CACNA1D: variants seen among roughly 807,000 people sequenced by gnomAD.
CACNA1D encodes voltage-dependent L-type calcium channel subunit alpha-1D.
CACNA1D carries 55 observed loss-of-function variants against 257.1 expected under a neutral mutation model. The observed-to-expected ratio is 0.21, with a 90% CI of 0.17 to 0.27. The LOEUF (loss-of-function observed/expected upper bound fraction) is 0.27, where lower values mean the gene tolerates loss of function less well. Ranked by LOEUF, CACNA1D falls within the 10% of genes least tolerant of loss-of-function variation. The pLI, the probability that CACNA1D is intolerant of heterozygous loss-of-function variation, is 1.00. For synonymous variants in CACNA1D, 980 were observed against 1,014.9 expected, an observed-to-expected ratio of 0.97 and a Z score of 0.65; for missense variants, 1,876 against 2,784.0, an observed-to-expected ratio of 0.67 and a Z score of 7.34.
At chr3:53,701,079 C>G (rs1486631995) in intron 8 of CACNA1D, among the ~76,000 whole-genome samples, 1 of 151,710 alleles carries the variant, frequency 6.6e-6, no homozygotes, top group Non-Finnish European at 1.5e-5. Flanking sequence ...TGTTCAGCCC[C>G]TCGACAGCCT....
At chr3:53,555,460 G>GTTTTTTT (rs372133749) in intron 3 of CACNA1D, among the ~76,000 whole-genome samples, 2 of 78,366 alleles carry the variant, frequency 2.6e-5, no homozygotes, top group Admixed American at 1.5e-4. Flanking sequence ...GTGTGTGTGT[G>GTTTTTTT]TTTTTTTTTT....
At chr3:53,664,100 G>T (rs545301441) in intron 5 of CACNA1D, among the ~76,000 whole-genome samples, 1 of 152,222 alleles carries the variant, frequency 6.6e-6, no homozygotes, top group South Asian at 2.1e-4. Context: ...TGTCTCTCAA[G>T]ACCACATTTC....
intron 21 of CACNA1D, among the ~76,000 whole-genome samples, chr3:53,742,688 CT>C (rs2095129695): frequency 1.3e-5 from 2 of 152,336 alleles, no homozygotes; most frequent in South Asian, 4.1e-4. Context: ...CAGCACTTAC[CT>C]TTTGACGAAT....
At chr3:53,732,710 A>T in intron 18 of CACNA1D, 105 bp from the exon 19 acceptor site, 1 of 983,606 alleles carries the variant, frequency 1.0e-6, no homozygotes, top group Non-Finnish European at 1.6e-6. Context: ...GTAAGCAGGT[A>T]GATGTTGTTA....
At chr3:53,651,366 C>CCTT (rs1553623470) in intron 4 of CACNA1D, among the ~76,000 whole-genome samples, 9 of 81,846 alleles carry the variant, frequency 1.1e-4, no homozygotes, top group African/African-American at 3.1e-4. Flanking sequence ...TATTAATTTT[C>CCTT]TTTTTTTTTT....
intron 8 of CACNA1D, among the ~76,000 whole-genome samples, chr3:53,700,463 G>A (rs1008201278): frequency 4.6e-5 from 7 of 152,154 alleles, no homozygotes; most frequent in African/African-American, 1.7e-4. Context: ...ATGTGATTCT[G>A]GATTGAGTTG....
chr3:53,724,049 A>G (rs763664193), intron 14 of CACNA1D, 50 bp downstream of exon 14: 2 of 1,409,324 alleles, frequency 1.4e-6, no homozygotes, highest in Non-Finnish European at 2.0e-6. Context: ...CAGCAGCTAA[A>G]ACTCCTCTGC....
chr3:53,781,357 G>A (rs1283442563), intron 38 of CACNA1D, among the ~76,000 whole-genome samples: 1 of 152,168 alleles, frequency 6.6e-6, no homozygotes, highest in Non-Finnish European at 1.5e-5. Flanking sequence ...TTCCCATGGT[G>A]GAGGGACTTC....
chr3:53,808,950 C>T (rs1425078139), intron 46 of CACNA1D, 180 bp downstream of exon 46: 2 of 665,846 alleles, frequency 3.0e-6, no homozygotes, highest in African/African-American at 1.8e-5. Flanking sequence ...TCCCATGCTG[C>T]CCAAGCTCAC....
intron 3 of CACNA1D, among the ~76,000 whole-genome samples, chr3:53,610,817 GTATTTACCA>G (rs1397578830): frequency 2.6e-5 from 4 of 151,954 alleles, no homozygotes; most frequent in African/African-American, 9.7e-5. Flanking sequence ...CTGTATACGT[GTATTTACCA>G]TTTATAGGGC....
chr3:53,622,990 C>A (rs2108051931), intron 3 of CACNA1D, among the ~76,000 whole-genome samples: 1 of 152,072 alleles, frequency 6.6e-6, no homozygotes, highest in South Asian at 2.1e-4. Context: ...CTCCCGGGTT[C>A]AAGCCATTCT....
intron 4 of CACNA1D, among the ~76,000 whole-genome samples, chr3:53,655,646 T>C (rs990236737): frequency 1.3e-5 from 2 of 152,250 alleles, no homozygotes; most frequent in Non-Finnish European, 2.9e-5. Flanking sequence ...TTGCTGACTT[T>C]TTAATGGGAT....
intron 8 of CACNA1D, among the ~76,000 whole-genome samples, chr3:53,691,996 G>C (rs191508571): frequency 3.2e-4 from 44 of 138,412 alleles, no homozygotes; most frequent in Non-Finnish European, 6.1e-4. Flanking sequence ...GGCACGATGG[G>C]TGTAGTTTTA....
intron 20 of CACNA1D, among the ~76,000 whole-genome samples, chr3:53,737,495 A>G (rs1041051377): frequency 2.6e-5 from 4 of 152,196 alleles, no homozygotes; most frequent in Admixed American, 6.5e-5. Flanking sequence ...GAGTCCTGCA[A>G]CCAATCCCTT....
At chr3:53,516,503 C>T (rs955615178) in intron 3 of CACNA1D, among the ~76,000 whole-genome samples, 1 of 152,194 alleles carries the variant, frequency 6.6e-6, no homozygotes, top group African/African-American at 2.4e-5. Context: ...TGTGTGGAAG[C>T]CTGGTGGGGG....
chr3:53,497,121 A>G lies in CACNA1D; in HGVS notation c.68-31A>G, dbSNP rs541931890. The G allele has an allele frequency of 3.4e-4, 549 of 1,601,468 alleles. 7 individuals carry two copies. The South Asian group carries it at 5.2e-3, about 15-fold the overall frequency. On this transcript the variant is annotated intron_variant, in intron 1 of 47. Transcript: ENST00000350061. ...TACCCACTGGATCCTCATTTAAAAA[A>G]AAAAATCTTTGTTTTTCTCCTTCTC... is the stretch of plus-strand genomic sequence containing the variant.
intron 3 of CACNA1D, among the ~76,000 whole-genome samples, chr3:53,529,015 C>T (rs2091859595): frequency 1.3e-5 from 2 of 152,160 alleles, no homozygotes; most frequent in South Asian, 4.2e-4. Flanking sequence ...ATTTTTCTTG[C>T]CTTGTAACAT....
chr3:53,804,687 C>G (rs183662011), intron 44 of CACNA1D, among the ~76,000 whole-genome samples: 9 of 152,210 alleles, frequency 5.9e-5, no homozygotes, highest in Non-Finnish European at 5.9e-5. Flanking sequence ...GAGAGGGGCT[C>G]TCACGGAGGA....
At position 53,800,275 on chromosome 3, in the gene CACNA1D, T is replaced by A; in HGVS notation, c.4950T>A (p.Ile1650=). ...LQAGLRTLHD[I]GPEIRRAISC... ...CGGGATTAAGGACACTGCATGACAT[T>A]GGGCCAGAAATCCGGCGTGCTATAT... Residue 1650 remains isoleucine (I), a synonymous_variant, in exon 41 of 48, where the codon ATT becomes ATA. Coordinates refer to ENST00000350061, the MANE Select transcript of CACNA1D (RefSeq NM_001128840.3). This position sits in a 1 kb window ranked among gnomAD's most constrained non-coding sequence, Gnocchi z 4.3. The A allele has an allele frequency of 6.2e-7, 1 of 1,613,920 alleles. No homozygotes were observed. Among genetic ancestry groups the A allele is most frequent in the Non-Finnish European group, 8.5e-7 (1 of 1,179,806 alleles).
Sources: gnomAD v4.1 joint callset for allele counts (sites outside exome capture counted in the v4.1 genomes callset) on GRCh38, gnomAD v4.1.1 for gene constraint, Gnocchi (gnomAD v3.1) non-coding constraint, MANE v1.5 for transcripts, NCBI Gene and HGNC (gene_info 2026-07-23, HGNC 2026-07-21) for gene names.